The following CARM1 variants were observed in gnomAD, a reference collection of about 807,000 sequenced individuals.
CARM1 encodes the protein coactivator associated arginine methyltransferase 1.
CARM1 carries 14 observed loss-of-function variants against 72.7 expected under a neutral mutation model. The ratio of observed to expected loss-of-function variants is 0.19; its 90% confidence interval spans 0.13 to 0.30. CARM1 has a LOEUF of 0.30. CARM1 is among the 10% of genes least tolerant of loss of function. The pLI, the probability that CARM1 is intolerant of heterozygous loss-of-function variation, is 1.00. For synonymous variants in CARM1, 333 were observed against 345.5 expected, an observed-to-expected ratio of 0.96 and a Z score of 0.40; for missense variants, 432 against 833.7, an observed-to-expected ratio of 0.52 and a Z score of 5.93.
intron 1 of CARM1, among the ~76,000 whole-genome samples, chr19:10,893,828 G>GGGTGGTGGTTGAACAGATGA (rs2074005455): frequency 6.6e-6 from 1 of 152,258 alleles, no homozygotes; most frequent in Admixed American, 6.5e-5. Flanking sequence ...GGATGTGTCA[G>GGGTGGTGGTTGAACAGATGA]GGTGGTGGTT....
Position 10,871,663 on chromosome 19 carries a change from C to CG in CARM1, c.-39dup, listed in dbSNP as rs2073818190. ...GCAGCGGCGGCGGCCTGGGCCCGGG[C>CG]GCAGCGGCGGCGGCGGCGGGGCCTG... On this transcript the variant is annotated 5_prime_UTR_variant, in exon 1 of 16. Coordinates refer to ENST00000327064, the MANE Select transcript of CARM1 (RefSeq NM_199141.2). The surrounding 1 kb of genome is among the most constrained non-coding windows in gnomAD (Gnocchi z 5.6). The CG allele has an allele frequency of 2.1e-6, 1 of 473,106 alleles. No homozygotes were observed. The highest frequency in any genetic ancestry group is 2.3e-5 in the African/African-American group (1 of 43,984). 29.3% of individuals were successfully genotyped at this position (473,106 alleles called of 1,614,324 possible).
chr19:10,872,864 G>A (rs906206993), intron 1 of CARM1, among the ~76,000 whole-genome samples: 5 of 152,010 alleles, frequency 3.3e-5, no homozygotes, highest in Non-Finnish European at 7.4e-5. Flanking sequence ...TGATGCCCTG[G>A]GGAACCCCTC....
rs757395695 is a variant in CARM1, at chr19:10,921,358, T to C, written c.1616-17T>C. Reference sequence around the variant, plus strand: ...GACGCCGTCTCCCTTCCTTCTTTCCTCCCTCTCGCTGCGCAGCCAACACGG... The same window carrying C: ...GACGCCGTCTCCCTTCCTTCTTTCCCCCCTCTCGCTGCGCAGCCAACACGG... On this transcript the variant is annotated splice_polypyrimidine_tract_variant and intron_variant, in intron 14 of 15. Coordinates refer to ENST00000327064, the MANE Select transcript of CARM1 (RefSeq NM_199141.2). 5 of 1,609,794 alleles carry C rather than the reference T, an allele frequency of 3.1e-6. No homozygotes were observed. The South Asian group carries it at 5.5e-5, about 18-fold the overall frequency.
In CARM1 at chr19:10,915,770, T is replaced by TC. The variant is rs1208532736; in HGVS notation, c.848-634dup. On this transcript the variant is annotated intron_variant, in intron 6 of 15. Transcript: ENST00000327064. The surrounding 1 kb of genome is among the most constrained non-coding windows in gnomAD (Gnocchi z 4.6). ...AGGCGGGGCTGCGGGGCCCTGATCCTCCCTGCCACTGGCCCTGACTCATGC... is the reference window on the plus strand; with the variant it reads ...AGGCGGGGCTGCGGGGCCCTGATCCTCCCCTGCCACTGGCCCTGACTCATGC... Among the ~76,000 whole-genome samples the TC allele has an allele frequency of 1.3e-5, 2 of 152,068 alleles. No individual in the cohort carries two copies. The highest frequency in any genetic ancestry group is 1.3e-4 in the Admixed American group (2 of 15,264).
chr19:10,875,121 G>T (rs1003739550), intron 1 of CARM1, among the ~76,000 whole-genome samples: 1 of 151,828 alleles, frequency 6.6e-6, no homozygotes, highest in Admixed American at 6.6e-5. Flanking sequence ...ACAGATTTTT[G>T]GTTTAAGACA....
chr19:10,895,509 G>C (rs903740026), intron 1 of CARM1, among the ~76,000 whole-genome samples: 1 of 152,248 alleles, frequency 6.6e-6, no homozygotes, highest in Non-Finnish European at 1.5e-5. Context: ...CTGGAAGCAA[G>C]GGGGAGGGGA....
At chr19:10,908,171 G>T (rs773709605) in intron 3 of CARM1, 26 bp downstream of exon 3, 1 of 1,508,746 alleles carries the variant, frequency 6.6e-7, no homozygotes, top group East Asian at 2.3e-5. Flanking sequence ...CCTCAGCCAG[G>T]CCGCCTCCCC....
At position 10,871,897 on chromosome 19, in the gene CARM1, C is replaced by T. The variant is rs1291290080; in HGVS notation, c.195C>T (p.Asp65=). The change falls in exon 1 of 16, where the codon GAC becomes GAT. Residue 65 remains aspartate, a synonymous_variant. Coordinates refer to ENST00000327064, the MANE Select transcript of CARM1 (RefSeq NM_199141.2). This position sits in a 1 kb window ranked among gnomAD's most constrained non-coding sequence, Gnocchi z 5.6. ...GCCTCGAGGTGCGCGCCGGCCCGGACTCGGCGGGCATCGCCCTCTACAGCC... is the reference window on the plus strand; with the variant it reads ...GCCTCGAGGTGCGCGCCGGCCCGGATTCGGCGGGCATCGCCCTCTACAGCC... The part of the protein sequence containing the change: ...ALRLEVRAGP[D]SAGIALYSHE... The T allele has an allele frequency of 6.5e-6, 8 of 1,232,924 alleles. No individual in the cohort carries two copies. In the Admixed American group the frequency reaches 3.0e-4, roughly 46 times the overall value. 76.4% of individuals were successfully genotyped at this position (1,232,924 alleles called of 1,614,324 possible). A position where few individuals can be genotyped will look rare whatever the true frequency, so the allele number is the denominator to read the frequency against.
intron 1 of CARM1, among the ~76,000 whole-genome samples, chr19:10,872,214 G>A (rs573390096): frequency 1.3e-4 from 20 of 151,694 alleles, no homozygotes; most frequent in Non-Finnish European, 4.4e-5. Context: ...GAAGTGGGGG[G>A]CTCTGAGTGG....
intron 1 of CARM1, among the ~76,000 whole-genome samples, chr19:10,873,791 C>T (rs190314215): frequency 4.1e-4 from 62 of 151,722 alleles, no homozygotes; most frequent in Admixed American, 3.3e-3. Context: ...AGGCGCCTGC[C>T]GCCATGCCCG....
intron 1 of CARM1, among the ~76,000 whole-genome samples, chr19:10,885,043 A>G (rs975379962): frequency 3.9e-5 from 6 of 152,196 alleles, no homozygotes; most frequent in African/African-American, 1.4e-4. Context: ...CAGTACACAC[A>G]CATGCCCAGG....
At chr19:10,892,361 G>C (rs1254649309) in intron 1 of CARM1, among the ~76,000 whole-genome samples, 1 of 152,258 alleles carries the variant, frequency 6.6e-6, no homozygotes, top group African/African-American at 2.4e-5. Context: ...AGGGCTCCTG[G>C]ACACCCAGCT....
chr19:10,871,983 C>T lies in CARM1; in HGVS notation c.220+61C>T. On this transcript the variant is annotated intron_variant, in intron 1 of 15. Coordinates refer to ENST00000327064, the MANE Select transcript of CARM1 (RefSeq NM_199141.2). This position sits in a 1 kb window ranked among gnomAD's most constrained non-coding sequence, Gnocchi z 5.6. ...GGCTGCTCACGAGGCCGGCCCGGGG[C>T]GGGGGCCGGCGGGGAGGGGCCCTGA... The T allele has an allele frequency of 8.7e-7, 1 of 1,142,874 alleles. No homozygotes were observed. The highest frequency in any genetic ancestry group is 1.1e-6 in the Non-Finnish European group (1 of 928,014). 70.8% of individuals were successfully genotyped at this position (1,142,874 alleles called of 1,614,324 possible). A position where few individuals can be genotyped will look rare whatever the true frequency, so the allele number is the denominator to read the frequency against.
intron 1 of CARM1, among the ~76,000 whole-genome samples, chr19:10,884,461 A>T (rs1342342979): frequency 6.6e-6 from 1 of 151,840 alleles, no homozygotes; most frequent in Admixed American, 6.6e-5. Context: ...ATCTAGGATT[A>T]CAGGCCTGAG....
chr19:10,871,681 G>A lies in CARM1; in HGVS notation c.-22G>A, dbSNP rs1385947697. The stretch of plus-strand genomic sequence containing the variant: ...GCCCGGGCGCAGCGGCGGCGGCGGC[G>A]GGGCCTGGAGCCGGATCTAAGATGG... On this transcript the variant is annotated 5_prime_UTR_variant, in exon 1 of 16. Coordinates refer to ENST00000327064, the MANE Select transcript of CARM1 (RefSeq NM_199141.2). The surrounding 1 kb of genome is among the most constrained non-coding windows in gnomAD (Gnocchi z 5.6). The A allele has an allele frequency of 1.5e-6, 1 of 688,038 alleles. No homozygotes were observed. Among genetic ancestry groups the A allele is most frequent in the Non-Finnish European group, 1.8e-6 (1 of 561,806 alleles). The allele number at this position is 688,038 out of a possible 1,614,324, so 42.6% of individuals were successfully genotyped here.
chr19:10,883,572 A>C (rs1443505236), intron 1 of CARM1, among the ~76,000 whole-genome samples: 2 of 152,188 alleles, frequency 1.3e-5, no homozygotes, highest in Non-Finnish European at 2.9e-5. Context: ...TTGGCTTAAG[A>C]GACAGGGTCT....
intron 1 of CARM1, among the ~76,000 whole-genome samples, chr19:10,885,770 G>T (rs899699103): frequency 6.6e-6 from 1 of 152,090 alleles, no homozygotes; most frequent in Non-Finnish European, 1.5e-5. Flanking sequence ...TTTGAGCCCT[G>T]GAGCCCCTAG....
intron 1 of CARM1, among the ~76,000 whole-genome samples, chr19:10,873,624 G>GTTTTTTTTTTTTTTTTTTTTTTTTT (rs1169565864): frequency 2.1e-5 from 1 of 47,342 alleles, no homozygotes; most frequent in African/African-American, 8.7e-5. Context: ...TTTTAGTTTA[G>GTTTTTTTTTTTTTTTTTTTTTTTTT]TTTTTTTTTT....
chr19:10,888,593 C>G (rs929711747), intron 1 of CARM1, among the ~76,000 whole-genome samples: 2 of 152,116 alleles, frequency 1.3e-5, no homozygotes, highest in African/African-American at 4.8e-5. Context: ...GCATGTGGAG[C>G]GAGGGGGCTG....
Sources: allele counts gnomAD v4.1 joint callset (sites outside exome capture counted in the v4.1 genomes callset), GRCh38; gene constraint gnomAD v4.1.1; non-coding constraint Gnocchi (gnomAD v3.1); transcripts MANE v1.5; gene names NCBI Gene and HGNC (gene_info 2026-07-23, HGNC 2026-07-21).